Variants in NIM1K observed in about 807,000 individuals in gnomAD.
NIM1K encodes the protein NIM1 serine/threonine protein kinase.
In NIM1K, 35 loss-of-function variants were observed where a neutral mutation model predicts 37.1. That is an observed-to-expected ratio of 0.94 (90% CI 0.72 to 1.25). The LOEUF is 1.25. NIM1K is among the 50% of genes most tolerant of loss of function. NIM1K has a pLI of 0.00. For missense variants in NIM1K, 564 were observed against 548.0 expected, an observed-to-expected ratio of 1.03 and a Z score of -0.29; for synonymous variants, 234 against 206.6, an observed-to-expected ratio of 1.13 and a Z score of -1.14.
intron 1 of NIM1K, among the ~76,000 whole-genome samples, chr5:43,198,605 A>G (rs1751971659): frequency 6.6e-6 from 1 of 152,070 alleles, no homozygotes; most frequent in Admixed American, 6.6e-5. Context: ...TAACCATTTC[A>G]GAACACGATC....
intron 1 of NIM1K, chr5:43,233,240 G>T (rs1579970218): frequency 2.8e-6 from 2 of 714,556 alleles, no homozygotes; most frequent in South Asian, 1.9e-5. Context: ...CTTACAGTGC[G>T]ACTCTTAGGT....
intron 2 of NIM1K, among the ~76,000 whole-genome samples, chr5:43,266,252 G>A (rs1347842139): frequency 6.6e-6 from 1 of 152,222 alleles, no homozygotes; most frequent in South Asian, 2.1e-4. Flanking sequence ...GCCTCCTTGA[G>A]CTGTGGGGGG....
At chr5:43,269,908 G>T (rs866270385) in intron 2 of NIM1K, among the ~76,000 whole-genome samples, 3 of 152,076 alleles carry the variant, frequency 2.0e-5, no homozygotes, top group African/African-American at 7.2e-5. Context: ...GTGAGCCACC[G>T]TGCCCGGCCA....
intron 2 of NIM1K, among the ~76,000 whole-genome samples, chr5:43,260,095 TA>T (rs1012958387): frequency 7.2e-5 from 11 of 152,212 alleles, no homozygotes; most frequent in Non-Finnish European, 1.2e-4. Flanking sequence ...TTGTTAGTTT[TA>T]AAAAAAGAGA....
At chr5:43,261,389 G>T (rs1451442562) in intron 2 of NIM1K, among the ~76,000 whole-genome samples, 1 of 152,130 alleles carries the variant, frequency 6.6e-6, no homozygotes, top group Non-Finnish European at 1.5e-5. Context: ...TGTGTCTGTT[G>T]GCTGCATAAA....
intron 1 of NIM1K, among the ~76,000 whole-genome samples, chr5:43,234,997 A>G (rs1752600196): frequency 6.6e-6 from 1 of 152,210 alleles, no homozygotes; most frequent in Non-Finnish European, 1.5e-5. Flanking sequence ...TTAATGTTTG[A>G]TCCCATTCAA....
intron 1 of NIM1K, among the ~76,000 whole-genome samples, chr5:43,198,437 C>G (rs1285852314): frequency 6.8e-6 from 1 of 147,862 alleles, no homozygotes; most frequent in Non-Finnish European, 1.5e-5. Context: ...TCCTTCCTTC[C>G]TTCTTTCTTT....
intron 1 of NIM1K, among the ~76,000 whole-genome samples, chr5:43,213,858 A>T (rs1469366492): frequency 6.6e-6 from 1 of 151,904 alleles, no homozygotes; most frequent in Admixed American, 6.6e-5. Flanking sequence ...CAAACTCCTG[A>T]TCTCAAGTGA....
At chr5:43,220,217 T>C (rs1233544372) in intron 1 of NIM1K, among the ~76,000 whole-genome samples, 2 of 152,206 alleles carry the variant, frequency 1.3e-5, no homozygotes, top group African/African-American at 2.4e-5. Flanking sequence ...ATTTAGGTCT[T>C]TAATGCATCT....
rs558675709 is a variant in NIM1K, at chr5:43,246,414, C to T, written c.292+347C>T. ...AGAATCTGTCCTCTCCGGTGAGGCC[C>T]TTGAGAAGTGGAGTGGAGCGTGGCT... On this transcript the variant is annotated intron_variant, in intron 2 of 3. Transcript: ENST00000326035. 8.6e-5 allele frequency among the ~76,000 whole-genome samples: 13 copies of T among 151,644 alleles called. No homozygotes were observed. In the South Asian group the frequency reaches 2.7e-3, roughly 31 times the overall value.
At chr5:43,198,406 CTCTT>C (rs34573340) in intron 1 of NIM1K, among the ~76,000 whole-genome samples, 10 of 149,646 alleles carry the variant, frequency 6.7e-5, no homozygotes, top group East Asian at 3.9e-4. Flanking sequence ...CGAGCTCGCT[CTCTT>C]TCTTTCTTTC....
chr5:43,236,324 A>G (rs76985779), intron 1 of NIM1K, among the ~76,000 whole-genome samples: 4 of 151,984 alleles, frequency 2.6e-5, no homozygotes, highest in East Asian at 1.9e-4. Flanking sequence ...TAAAAAAAAA[A>G]TGGAGTCGCC....
In NIM1K at chr5:43,280,599, TCC is replaced by T. The variant is rs1753428038; in HGVS notation, c.1182_1183del (p.Gln395LysfsTer17). On this transcript the variant is annotated frameshift_variant, in exon 4 of 4. Coordinates refer to ENST00000326035, the MANE Select transcript of NIM1K (RefSeq NM_153361.4). LOFTEE classifies it high-confidence loss of function. ...GTCTATAGAATTATTTTACATAGAG[TCC>T]AAAGGAAGAAGGCTTTGGAAAGTGT... is the stretch of plus-strand genomic sequence containing the variant. The T allele has an allele frequency of 6.2e-7, 1 of 1,613,504 alleles. No individual in the cohort carries two copies. Among genetic ancestry groups the T allele is most frequent in the African/African-American group, 1.3e-5 (1 of 74,704 alleles).
At chr5:43,210,534 A>G (rs1283147062) in intron 1 of NIM1K, among the ~76,000 whole-genome samples, 1 of 152,144 alleles carries the variant, frequency 6.6e-6, no homozygotes, top group Non-Finnish European at 1.5e-5. Flanking sequence ...ACTCTGGGGC[A>G]CCACGGACTG....
At chr5:43,199,204 A>AAAAAAAAAAT (rs1200134957) in intron 1 of NIM1K, among the ~76,000 whole-genome samples, 41 of 94,064 alleles carry the variant, frequency 4.4e-4, no homozygotes, top group Non-Finnish European at 7.5e-4. Flanking sequence ...AAAAAAAAAA[A>AAAAAAAAAAT]ATATATATAT....
intron 1 of NIM1K, among the ~76,000 whole-genome samples, chr5:43,201,519 T>C (rs1017705634): frequency 2.0e-5 from 3 of 152,166 alleles, no homozygotes; most frequent in South Asian, 4.1e-4. Context: ...CTTTGTAATA[T>C]GAGGTACAAT....
intron 2 of NIM1K, among the ~76,000 whole-genome samples, chr5:43,266,311 T>G (rs1369545408): frequency 2.0e-5 from 3 of 152,214 alleles, no homozygotes; most frequent in Non-Finnish European, 4.4e-5. Context: ...TACTCAAGCC[T>G]CAGCAATGGC....
At chr5:43,235,548 T>C (rs545185162) in intron 1 of NIM1K, among the ~76,000 whole-genome samples, 21 of 152,354 alleles carry the variant, frequency 1.4e-4, no homozygotes, top group Non-Finnish European at 2.6e-4. Context: ...CATTCTATAC[T>C]GAATTGTTTT....
At chr5:43,202,316 TA>T (rs747830781) in intron 1 of NIM1K, among the ~76,000 whole-genome samples, 1 of 152,160 alleles carries the variant, frequency 6.6e-6, no homozygotes, top group Non-Finnish European at 1.5e-5. Context: ...CCCAAAGTGC[TA>T]GGATTATAGG....
Sources: gnomAD v4.1 joint callset for allele counts (sites outside exome capture counted in the v4.1 genomes callset) on GRCh38, gnomAD v4.1.1 for gene constraint, MANE v1.5 for transcripts, NCBI Gene and HGNC (gene_info 2026-07-23, HGNC 2026-07-21) for gene names.